ZMAT4: variants seen among roughly 807,000 people sequenced by gnomAD.
ZMAT4 encodes the protein zinc finger matrin-type 4, also known as zinc finger matrin-type protein 4.
In ZMAT4, 17 loss-of-function variants were observed where a neutral mutation model predicts 28.7. The observed-to-expected ratio is 0.59, with a 90% confidence interval of 0.41 to 0.89. The LOEUF (loss-of-function observed/expected upper bound fraction) is 0.89, where lower values mean the gene tolerates loss of function less well. Ranked by LOEUF, ZMAT4 falls within the 40% of genes least tolerant of loss-of-function variation. The pLI is 0.00. For missense variants in ZMAT4, 240 were observed against 283.8 expected (o/e 0.85, Z 1.11); for synonymous variants, 117 against 109.2 (o/e 1.07, Z -0.44).
At chr8:40,834,407 G>T (rs116697331) in intron 1 of ZMAT4, among the ~76,000 whole-genome samples, 2 of 152,060 alleles carry the variant, frequency 1.3e-5, no homozygotes, top group African/African-American at 2.4e-5. Context: ...CCAGCCCAAG[G>T]CTTCAGATTT....
intron 1 of ZMAT4, among the ~76,000 whole-genome samples, chr8:40,877,072 T>C (rs1361874326): frequency 3.3e-5 from 5 of 152,170 alleles, no homozygotes; most frequent in Non-Finnish European, 7.4e-5. Flanking sequence ...GGCTGTAATC[T>C]AAAATGACTC....
In ZMAT4 at chr8:40,560,938, G is replaced by A. The variant is rs374009030; in HGVS notation, c.674+20227C>T. 4.2e-4 allele frequency among the ~76,000 whole-genome samples: 64 copies of A among 152,112 alleles called. No individual in the cohort carries two copies. In the South Asian group the frequency reaches 4.6e-3, roughly 11 times the overall value. ...CCACCCTGGTCTTTATGTATGTCTCGCATTGCAATCCTATTTCTTGTATAT... is the reference window on the plus strand; with the variant it reads ...CCACCCTGGTCTTTATGTATGTCTCACATTGCAATCCTATTTCTTGTATAT... On this transcript the variant is annotated intron_variant, in intron 6 of 6. Coordinates refer to ENST00000297737, the MANE Select transcript of ZMAT4 (RefSeq NM_024645.3).
chr8:40,744,669 C>A (rs1462928394), intron 3 of ZMAT4, among the ~76,000 whole-genome samples: 2 of 152,066 alleles, frequency 1.3e-5, no homozygotes, highest in Non-Finnish European at 2.9e-5. Context: ...GTATTAGGTT[C>A]TTTTGGGTAG....
intron 5 of ZMAT4, among the ~76,000 whole-genome samples, chr8:40,623,936 A>C (rs1806286304): frequency 6.6e-6 from 1 of 152,174 alleles, no homozygotes; most frequent in Non-Finnish European, 1.5e-5. Flanking sequence ...GCTTATGAGA[A>C]ACATCAATTT....
chr8:40,777,732 T>G (rs1326299096), intron 2 of ZMAT4, among the ~76,000 whole-genome samples: 1 of 152,168 alleles, frequency 6.6e-6, no homozygotes, highest in African/African-American at 2.4e-5. Flanking sequence ...AACGGACAAG[T>G]GTCCCCACCC....
At chr8:40,727,832 A>T (rs1445364005) in intron 3 of ZMAT4, among the ~76,000 whole-genome samples, 1 of 152,338 alleles carries the variant, frequency 6.6e-6, no homozygotes, top group South Asian at 2.1e-4. Context: ...AATCCCTTCA[A>T]GGTCTGAGAT....
intron 3 of ZMAT4, among the ~76,000 whole-genome samples, chr8:40,701,664 C>A (rs117308077): frequency 6.6e-6 from 1 of 151,530 alleles, no homozygotes. Context: ...ATTACAGGTG[C>A]ACACCCTATG....
intron 3 of ZMAT4, among the ~76,000 whole-genome samples, chr8:40,712,452 G>C (rs1461610454): frequency 6.6e-6 from 1 of 152,176 alleles, no homozygotes; most frequent in Non-Finnish European, 1.5e-5. Flanking sequence ...TGTACCATGG[G>C]CTTCTGTTGT....
chr8:40,817,746 A>T (rs1352024940), intron 2 of ZMAT4, among the ~76,000 whole-genome samples: 1 of 152,218 alleles, frequency 6.6e-6, no homozygotes, highest in Non-Finnish European at 1.5e-5. Context: ...AGCTGAATAC[A>T]GTGATTGGGA....
intron 1 of ZMAT4, among the ~76,000 whole-genome samples, chr8:40,847,851 G>T (rs1816964039): frequency 6.6e-6 from 1 of 152,150 alleles, no homozygotes; most frequent in Admixed American, 6.5e-5. Context: ...GATGTCTGCA[G>T]GGCTCCAACA....
At chr8:40,649,245 G>A (rs1347104955) in intron 5 of ZMAT4, among the ~76,000 whole-genome samples, 5 of 151,558 alleles carry the variant, frequency 3.3e-5, no homozygotes, top group Admixed American at 6.6e-5. Context: ...CCAAGCAAAC[G>A]GAAAACAAAA....
intron 5 of ZMAT4, among the ~76,000 whole-genome samples, chr8:40,601,618 GA>G (rs1157900874): frequency 3.7e-5 from 1 of 26,828 alleles, no homozygotes; most frequent in African/African-American, 9.4e-5. Context: ...AAGAAAGAAA[GA>G]AAGAAAGAAA....
At chr8:40,874,629 T>C (rs1337853713) in intron 1 of ZMAT4, among the ~76,000 whole-genome samples, 1 of 152,246 alleles carries the variant, frequency 6.6e-6, no homozygotes. Context: ...TGCTTTATAC[T>C]TAGAATGTGT....
At chr8:40,875,746 G>A (rs1818020344) in intron 1 of ZMAT4, among the ~76,000 whole-genome samples, 1 of 152,106 alleles carries the variant, frequency 6.6e-6, no homozygotes, top group Admixed American at 6.5e-5. Flanking sequence ...TGCCCACAGT[G>A]CCCGGGCCGG....
At chr8:40,891,010 C>T (rs1229154609) in intron 1 of ZMAT4, among the ~76,000 whole-genome samples, 38 of 151,656 alleles carry the variant, frequency 2.5e-4, no homozygotes, top group Admixed American at 2.4e-3. Flanking sequence ...ATACACCTGA[C>T]TATATTCCAG....
intron 4 of ZMAT4, among the ~76,000 whole-genome samples, chr8:40,691,698 A>C (rs1426835573): frequency 2.6e-5 from 4 of 152,182 alleles, no homozygotes; most frequent in Admixed American, 2.6e-4. Flanking sequence ...TCCACACTGA[A>C]TTGTGTGGCA....
intron 1 of ZMAT4, among the ~76,000 whole-genome samples, 160 bp downstream of exon 1, chr8:40,897,523 T>A (rs1385720153): frequency 6.6e-6 from 1 of 152,198 alleles, no homozygotes; most frequent in Admixed American, 6.5e-5. Flanking sequence ...TCCCAAATTG[T>A]CCGCTTGTTT....
chr8:40,887,911 C>T (rs894031592), intron 1 of ZMAT4, among the ~76,000 whole-genome samples: 2 of 152,136 alleles, frequency 1.3e-5, no homozygotes, highest in Non-Finnish European at 2.9e-5. Flanking sequence ...CCCTGAGGAG[C>T]CACACAAAGT....
chr8:40,545,982 C>T (rs942439231), intron 6 of ZMAT4, among the ~76,000 whole-genome samples: 1 of 149,850 alleles, frequency 6.7e-6, no homozygotes, highest in Non-Finnish European at 1.5e-5. Context: ...ATATGTTTAT[C>T]CCTATTCAAA....
Sources: allele counts gnomAD v4.1 joint callset (sites outside exome capture counted in the v4.1 genomes callset), GRCh38; gene constraint gnomAD v4.1.1; transcripts MANE v1.5; gene names NCBI Gene and HGNC (gene_info 2026-07-23, HGNC 2026-07-21).